IKBKG: variants seen among roughly 807,000 people sequenced by gnomAD.
The protein encoded by IKBKG is NF-kappa-B essential modulator.
Under a neutral mutation model 13.7 loss-of-function variants are expected in IKBKG, and 2 were observed. The ratio of observed to expected loss-of-function variants is 0.15; its 90% CI spans 0.06 to 0.46. IKBKG has a LOEUF of 0.46. Among genes scored for constraint, IKBKG ranks in the 20% least tolerant of loss-of-function variants. IKBKG has a pLI of 0.98. For synonymous variants in IKBKG, 22 were observed against 64.4 expected (o/e 0.34, Z 3.15); for missense variants, 53 against 150.3 (o/e 0.35, Z 3.39).
At chrX:154,553,617 C>G (rs2070992825) in intron 2 of IKBKG, among the ~76,000 whole-genome samples, 1 of 112,692 alleles carries the variant, frequency 8.9e-6, no homozygotes, top group South Asian at 3.6e-4. Context: ...CAGGGTCCCC[C>G]ACCTCAGTGC....
chrX:154,547,566 G>T (rs782435077), upstream of IKBKG: 7 of 755,030 alleles, frequency 9.3e-6, no homozygotes, highest in Non-Finnish European at 1.1e-5. Flanking sequence ...GGCTTCCCGA[G>T]TTCTCGGGGG....
In IKBKG at chrX:154,548,101, C is replaced by T. The variant is rs2070806709; in HGVS notation, c.-16+356C>T. Reference sequence around the variant, plus strand: ...AGTTTGGCAGCTAGGTATCTGATTTCATATGCCTGTTTGCTCGTTTTGCAA... The same window carrying T: ...AGTTTGGCAGCTAGGTATCTGATTTTATATGCCTGTTTGCTCGTTTTGCAA... On this transcript the variant is annotated intron_variant, in intron 1 of 9. Transcript: ENST00000594239. The T allele has an allele frequency of 5.3e-6, 4 of 753,607 alleles. No homozygotes were observed. The South Asian group carries it at 2.0e-4, about 38-fold the overall frequency. The allele number at this position is 753,607 out of a possible 1,213,427, so 62.1% of individuals were successfully genotyped here.
chrX:154,555,904 A>C (rs782121417), intron 2 of IKBKG, among the ~76,000 whole-genome samples: 46 of 112,509 alleles, frequency 4.1e-4, no homozygotes, highest in African/African-American at 1.4e-3. Context: ...AGTGAAGCTG[A>C]TGTGTTTGGT....
At chrX:154,542,912 G>A (rs1180890010), upstream of IKBKG, among the ~76,000 whole-genome samples, 2 of 112,163 alleles carry the variant, frequency 1.8e-5, no homozygotes, top group African/African-American at 6.5e-5. Context: ...TAGGTCCCAT[G>A]AGGAGGGCAG....
chrX:154,543,624 T>C (rs201535293), upstream of IKBKG, among the ~76,000 whole-genome samples: 12 of 111,976 alleles, frequency 1.1e-4, no homozygotes, highest in East Asian at 3.1e-3. Flanking sequence ...GTCTGCTTCT[T>C]GGACTAAGGG....
exon 2 of IKBKG, chrX:154,542,323 T>C (rs1284603895): frequency 9.3e-6 from 11 of 1,188,423 alleles, no homozygotes; most frequent in Non-Finnish European, 1.2e-5. Flanking sequence ...CCCCGCAGAC[T>C]ATCAATCCCA....
At chrX:154,544,850 G>C (rs782326747), upstream of IKBKG, among the ~76,000 whole-genome samples, 1 of 112,488 alleles carries the variant, frequency 8.9e-6, no homozygotes, top group African/African-American at 3.2e-5. Context: ...GTGACAGCGC[G>C]TTGTTCTATG....
chrX:154,551,989 C>T lies in IKBKG; in HGVS notation c.-14C>T. On this transcript the variant is annotated splice_region_variant and 5_prime_UTR_variant, in exon 2 of 10. Transcript: ENST00000594239. ...TCCCCTGCTGCCTTTCTCTTTCAGC[C>T]CTTGCCCTGTTGGATGAATAGGCAC... 9.4e-7 allele frequency: 1 copy of T among 1,065,775 alleles called. No homozygotes were observed. Among genetic ancestry groups the T allele is most frequent in the Non-Finnish European group, 1.2e-6 (1 of 815,293 alleles). 87.8% of individuals were successfully genotyped at this position (1,065,775 alleles called of 1,213,427 possible).
intron 2 of IKBKG, among the ~76,000 whole-genome samples, chrX:154,554,156 G>A (rs1266759433): frequency 8.9e-6 from 1 of 112,835 alleles, no homozygotes; most frequent in Non-Finnish European, 1.9e-5. Flanking sequence ...CCCCCAAGAT[G>A]TACATGCTTA....
chrX:154,548,119 T>C, intron 1 of IKBKG: 1 of 751,999 alleles, frequency 1.3e-6, no homozygotes, highest in African/African-American at 2.3e-5. Context: ...TGTTTGCTCG[T>C]TTTGCAAGAC....
chrX:154,543,136 A>T (rs2472394), upstream of IKBKG, among the ~76,000 whole-genome samples: 4 of 110,742 alleles, frequency 3.6e-5, no homozygotes. Context: ...CATCTCCCCC[A>T]CAGCAGGAAG....
At chrX:154,547,978 T>G in intron 1 of IKBKG, 1 of 754,914 alleles carries the variant, frequency 1.3e-6, no homozygotes, top group South Asian at 6.7e-5. Context: ...ACCCTACTCC[T>G]TGTGTGAGGA....
At chrX:154,542,385 C>A, upstream of IKBKG, 1 of 1,207,749 alleles carries the variant, frequency 8.3e-7, no homozygotes. Context: ...GAGGTCCCAT[C>A]AGGTGGGGAA....
upstream of IKBKG, chrX:154,547,315 G>A: frequency 2.7e-6 from 2 of 754,686 alleles, no homozygotes; most frequent in Non-Finnish European, 3.1e-6. Flanking sequence ...CTGTTCGCGG[G>A]TCAAGCCGGC....
At chrX:154,542,310 G>C in exon 2 of IKBKG, 1 of 1,178,862 alleles carries the variant, frequency 8.5e-7, no homozygotes, top group Non-Finnish European at 1.1e-6. Context: ...AGAGAAGTGA[G>C]GACCCCGCAG....
chrX:154,549,596 A>G (rs189875486), intron 1 of IKBKG, among the ~76,000 whole-genome samples: 8 of 111,885 alleles, frequency 7.2e-5, no homozygotes, highest in Middle Eastern at 4.6e-3. Context: ...ATTATTTTCA[A>G]TAACAGCTTG....
chrX:154,550,542 T>A (rs1557234790), intron 1 of IKBKG, among the ~76,000 whole-genome samples: 1 of 107,491 alleles, frequency 9.3e-6, no homozygotes. Flanking sequence ...TGGGAGTGAA[T>A]GAAGTTACAG....
upstream of IKBKG, among the ~76,000 whole-genome samples, chrX:154,543,092 G>A (rs1324203430): frequency 8.9e-6 from 1 of 112,069 alleles, no homozygotes; most frequent in Admixed American, 9.4e-5. Context: ...GGGAGCCGGA[G>A]CTGTTCCAGG....
intron 7 of IKBKG, among the ~76,000 whole-genome samples, chrX:154,563,308 C>T (rs1367010420): frequency 6.4e-5 from 1 of 15,555 alleles, no homozygotes; most frequent in Non-Finnish European, 1.0e-4. Context: ...GGATTACAGG[C>T]GTGAGCCACC....
Sources: gnomAD v4.1 joint callset for allele counts (sites outside exome capture counted in the v4.1 genomes callset) on GRCh38, gnomAD v4.1.1 for gene constraint, MANE v1.5 for transcripts, NCBI Gene and HGNC (gene_info 2026-07-23, HGNC 2026-07-21) for gene names.